The following MYO19 variants were observed in gnomAD, a reference collection of about 807,000 sequenced individuals.
The protein encoded by MYO19 is myosin XIX.
In MYO19, 132 loss-of-function variants were observed where a neutral mutation model predicts 129.2. That is an observed-to-expected ratio of 1.02 (90% confidence interval 0.89 to 1.18). The LOEUF (loss-of-function observed/expected upper bound fraction) is 1.18. Ranked by LOEUF, MYO19 falls within the 50% of genes most tolerant of loss-of-function variation. The pLI is 0.00. For synonymous variants in MYO19, 531 were observed against 477.2 expected (o/e 1.11, Z -1.47); for missense variants, 1,210 against 1,216.7 (o/e 0.99, Z 0.08).
chr17:36,515,520 A>G (rs1254051655), intron 7 of MYO19, among the ~76,000 whole-genome samples: 1 of 152,220 alleles, frequency 6.6e-6, no homozygotes, highest in Non-Finnish European at 1.5e-5. Flanking sequence ...CAACACAAAC[A>G]CTAATCACCT....
upstream of MYO19, chr17:36,538,618 C>A (rs540012861): frequency 2.5e-5 from 39 of 1,576,002 alleles, no homozygotes; most frequent in Admixed American, 2.6e-4. Flanking sequence ...TTTTGGTGAT[C>A]AGCAGGAGTA....
At position 36,509,043 on chromosome 17, in the gene MYO19, C is replaced by A; in HGVS notation, c.1231+19G>T. 1 of 1,611,208 alleles carries A rather than the reference C, an allele frequency of 6.2e-7. No homozygotes were observed. Among genetic ancestry groups the A allele is most frequent in the Non-Finnish European group, 8.5e-7 (1 of 1,177,974 alleles). On this transcript the variant is annotated intron_variant, in intron 14 of 25. Transcript: ENST00000614623. ...TGCTCTTTTTCTGGAGTGCTCCCAG[C>A]ACAGTGAGGCCTTGCTACCTATGAA... is the stretch of plus-strand genomic sequence containing the variant.
Position 36,505,363 on chromosome 17 carries a change from C to G in MYO19, c.1839G>C (p.Thr613=), listed in dbSNP as rs765074076. The change falls in exon 19 of 26, where the codon ACG becomes ACC. Residue 613 remains threonine, a synonymous_variant. Transcript: ENST00000614623. ...EQLLQVLHST[T]PHYIRCIKPN... ...GCTTGATGCAGCGAATGTAGTGGGGCGTGGTGCTGTGTAGGACCTGCAGAA... is the reference window on the plus strand; with the variant it reads ...GCTTGATGCAGCGAATGTAGTGGGGGGTGGTGCTGTGTAGGACCTGCAGAA... The G allele has an allele frequency of 6.2e-7, 1 of 1,614,236 alleles. No homozygotes were observed. The highest frequency in any genetic ancestry group is 2.2e-5 in the East Asian group (1 of 44,892).
chr17:36,537,743 C>T (rs775786836), upstream of MYO19: 19 of 1,613,968 alleles, frequency 1.2e-5, no homozygotes, highest in African/African-American at 5.3e-5. Context: ...TCCTAGGAAT[C>T]GGACGATTAG....
In MYO19 at chr17:36,498,266, CT is replaced by C; in HGVS notation, c.2756del (p.Gln919ArgfsTer4). The C allele has an allele frequency of 6.2e-7, 1 of 1,609,862 alleles. No homozygotes were observed. Among genetic ancestry groups the C allele is most frequent in the Non-Finnish European group, 8.5e-7 (1 of 1,177,806 alleles). On this transcript the variant is annotated frameshift_variant and splice_region_variant, in exon 25 of 26. Coordinates refer to ENST00000614623, the MANE Select transcript of MYO19 (RefSeq NM_001163735.2). LOFTEE classifies it high-confidence loss of function. ...GTCATGGCCATCACACACAACGTAC[CT>C]GAGGCAGCGCTCGGATGGACGTGAC... ...AGVTSIRALP[Q>X]GSIKFHCRKS...
intron 5 of MYO19, among the ~76,000 whole-genome samples, chr17:36,527,239 T>C (rs2073527918): frequency 6.6e-6 from 1 of 152,090 alleles, no homozygotes; most frequent in African/African-American, 2.4e-5. Context: ...AAATATATAA[T>C]ACCTTTATAA....
chr17:36,531,724 T>C (rs145905537), intron 3 of MYO19, among the ~76,000 whole-genome samples: 1 of 152,282 alleles, frequency 6.6e-6, no homozygotes, highest in African/African-American at 2.4e-5. Context: ...GTGTCTACTA[T>C]GGCTCCCTTG....
intron 13 of MYO19, chr17:36,509,973 C>A (rs1213378956): frequency 6.6e-6 from 1 of 152,166 alleles, no homozygotes; most frequent in Non-Finnish European, 1.5e-5. Flanking sequence ...CCTCAGCTGC[C>A]CTGGACCATT....
At chr17:36,517,252 T>C (rs916153275) in intron 6 of MYO19, among the ~76,000 whole-genome samples, 22 of 152,188 alleles carry the variant, frequency 1.4e-4, no homozygotes, top group Non-Finnish European at 3.2e-4. Flanking sequence ...TGGAGAGTTA[T>C]CATTTTTTTG....
At position 36,514,461 on chromosome 17, in the gene MYO19, G is replaced by T. The variant is rs1196673794; in HGVS notation, c.705C>A (p.Phe235Leu). The T allele has an allele frequency of 1.2e-6, 2 of 1,611,858 alleles. No individual in the cohort carries two copies. The highest frequency in any genetic ancestry group is 1.3e-5 in the African/African-American group (1 of 74,900). Reference sequence around the variant, plus strand: ...TGGCACAAACCTGATAGAAGATGTGGAAGTTCCTCTCACTGGAAGCCTGGC... The same window carrying T: ...TGGCACAAACCTGATAGAAGATGTGTAAGTTCCTCTCACTGGAAGCCTGGC... ...VACQASSERNFHIFYQICKGA... is the reference protein window; with the variant it reads ...VACQASSERNLHIFYQICKGA... The change falls in exon 9 of 26, where the codon TTC (phenylalanine) becomes TTA (leucine). Residue 235 changes from phenylalanine to leucine, a missense_variant. Phe to Leu is a conservative substitution (Grantham distance 22, BLOSUM62 0). Transcript: ENST00000614623.
At chr17:36,521,218 G>A (rs2073110880) in intron 6 of MYO19, among the ~76,000 whole-genome samples, 1 of 152,072 alleles carries the variant, frequency 6.6e-6, no homozygotes, top group Admixed American at 6.6e-5. Context: ...CCCATTGGTT[G>A]ACAATCTTGT....
rs1370349330 is a variant in MYO19 at position 36,496,013 on chromosome 17, T to G, written c.*238A>C. The G allele has an allele frequency of 6.4e-6, 5 of 779,972 alleles. No individual in the cohort carries two copies. In the Admixed American group the frequency reaches 1.7e-4, roughly 27 times the overall value. The allele number at this position is 779,972 out of a possible 1,614,324, so 48.3% of individuals were successfully genotyped here. A position where few individuals can be genotyped will look rare whatever the true frequency, so the allele number is the denominator to read the frequency against. On this transcript the variant is annotated 3_prime_UTR_variant, in exon 26 of 26. Transcript: ENST00000614623. ...AAGGTAGTGAAATGTGGCCCTGATGTTTCTTAACCCTGATTTGGTAACTAC... is the reference window on the plus strand; with the variant it reads ...AAGGTAGTGAAATGTGGCCCTGATGGTTCTTAACCCTGATTTGGTAACTAC...
At chr17:36,511,251 G>T in intron 12 of MYO19, 114 bp downstream of exon 12, 1 of 1,114,224 alleles carries the variant, frequency 9.0e-7, no homozygotes, top group Non-Finnish European at 1.3e-6. Context: ...TATGGTGGGT[G>T]GCATAAGCAA....
At chr17:36,507,565 T>C in intron 15 of MYO19, 53 bp from the exon 16 acceptor site, 2 of 1,557,808 alleles carry the variant, frequency 1.3e-6, no homozygotes, top group East Asian at 2.2e-5. Context: ...TCTGATGTCC[T>C]GACGGGCCAT....
intron 1 of MYO19, chr17:36,534,538 G>A (rs1291443484): frequency 1.3e-5 from 2 of 152,400 alleles, no homozygotes; most frequent in African/African-American, 4.8e-5. Context: ...TGGAAAGGTG[G>A]AGGGTGATCA....
At chr17:36,508,076 G>T in intron 14 of MYO19, 152 bp from the exon 15 acceptor site, 1 of 738,388 alleles carries the variant, frequency 1.4e-6, no homozygotes, top group Non-Finnish European at 2.0e-6. Flanking sequence ...GTGGTGGGCA[G>T]AACATACCTT....
chr17:36,537,387 C>G, upstream of MYO19: 1 of 1,613,986 alleles, frequency 6.2e-7, no homozygotes, highest in Non-Finnish European at 8.5e-7. Context: ...GCTGTTGTAT[C>G]AAATATACCG....
chr17:36,498,672 C>G lies in MYO19; in HGVS notation c.2464-113G>C, dbSNP rs2071224583. On this transcript the variant is annotated intron_variant, in intron 24 of 25. Transcript: ENST00000614623. ...TCTTAACAAGGTGAACTGAAGGCAC[C>G]TGGTTGCAAACAGCTGGCTGCCCTG... The G allele has an allele frequency of 1.0e-5, 13 of 1,296,374 alleles. No homozygotes were observed. The East Asian group carries it at 3.0e-4, about 30-fold the overall frequency. The allele number at this position is 1,296,374 out of a possible 1,614,324, so 80.3% of individuals were successfully genotyped here.
chr17:36,532,515 T>C lies in MYO19; in HGVS notation c.12+12A>G, dbSNP rs997639638. On this transcript the variant is annotated intron_variant, in intron 3 of 25. Coordinates refer to ENST00000614623, the MANE Select transcript of MYO19 (RefSeq NM_001163735.2). ...GCTTGAGGGCCTGGGTTATCTAAGG[T>C]TGAGGTTTTACCTGCTGGAGCATCC... is the stretch of plus-strand genomic sequence containing the variant. The C allele has an allele frequency of 1.9e-6, 3 of 1,554,666 alleles. No homozygotes were observed. The highest frequency in any genetic ancestry group is 1.7e-6 in the Non-Finnish European group (2 of 1,148,626).
Sources: allele counts gnomAD v4.1 joint callset (sites outside exome capture counted in the v4.1 genomes callset), GRCh38; gene constraint gnomAD v4.1.1; transcripts MANE v1.5; gene names NCBI Gene and HGNC (gene_info 2026-07-23, HGNC 2026-07-21).